Variants in MAP4 observed in about 807,000 individuals in gnomAD.
The protein encoded by MAP4 is microtubule-associated protein 4.
In MAP4, 76 loss-of-function variants were observed where a neutral mutation model predicts 170.2. That is an observed-to-expected ratio of 0.45 (90% CI 0.37 to 0.54). The LOEUF is 0.54. Ranked by LOEUF, MAP4 falls within the 20% of genes least tolerant of loss-of-function variation. The probability of loss-of-function intolerance (pLI) is 0.00; values close to 1 mark genes in which losing one functional copy is unlikely to be tolerated. For missense variants in MAP4, 2,506 were observed against 2,748.0 expected (o/e 0.91, Z 1.97); for synonymous variants, 909 against 994.5 (o/e 0.91, Z 1.62).
rs766568891 is a variant in MAP4, at chr3:47,911,592, T to C, written c.2829A>G (p.Arg943=). 6.5e-7 allele frequency: 1 copy of C among 1,536,128 alleles called. No individual in the cohort carries two copies. The highest frequency in any genetic ancestry group is 1.2e-5 in the South Asian group (1 of 84,068). Residue 943 remains arginine, a synonymous_variant, in exon 9 of 21, where the codon AGA becomes AGG. Coordinates refer to ENST00000683076, the MANE Select transcript of MAP4 (RefSeq NM_001385682.1). This position sits in a 1 kb window ranked among gnomAD's most constrained non-coding sequence, Gnocchi z 4.0. ...AYNVETPLDI[R]LKEGCSPFLD... is the part of the protein sequence containing the mutation. ...AGAAAGGAGAGCAACCCTCTTTAAGTCTGATATCCAAAGGGGTTTCTACAT... is the reference window on the plus strand; with the variant it reads ...AGAAAGGAGAGCAACCCTCTTTAAGCCTGATATCCAAAGGGGTTTCTACAT...
chr3:48,059,800 G>A (rs1323952016), intron 1 of MAP4, among the ~76,000 whole-genome samples: 3 of 151,980 alleles, frequency 2.0e-5, no homozygotes, highest in Non-Finnish European at 4.4e-5. Context: ...GGGCAACATG[G>A]TGAAACCCCA....
intron 1 of MAP4, among the ~76,000 whole-genome samples, chr3:48,048,726 C>T (rs1431475380): frequency 6.6e-6 from 1 of 151,778 alleles, no homozygotes; most frequent in Non-Finnish European, 1.5e-5. Context: ...ACTATGTTGC[C>T]CAGGCTGGTC....
intron 17 of MAP4, among the ~76,000 whole-genome samples, chr3:47,865,939 G>A (rs937325508): frequency 6.6e-6 from 1 of 152,196 alleles, no homozygotes; most frequent in African/African-American, 2.4e-5. Flanking sequence ...ACCTCCCTGT[G>A]AGCTGGGATC....
In MAP4 at chr3:47,916,739, T is replaced by C; in HGVS notation, c.1088A>G (p.Asp363Gly). The C allele has an allele frequency of 1.2e-6, 2 of 1,614,074 alleles. No individual in the cohort carries two copies. ...ETERASPIKM[D>G]LAPSKDMGPP... is the part of the protein sequence containing the mutation. ...TCCCATGTCCTTGGAAGGGGCTAAG[T>C]CCATTTTTATAGGAGATGCCCTCTC... Residue 363 changes from aspartate (D) to glycine (G), a missense_variant, in exon 7 of 21, where the codon GAC becomes GGC. Transcript: ENST00000683076.
At chr3:48,081,315 A>C (rs929741614) in intron 1 of MAP4, among the ~76,000 whole-genome samples, 7 of 151,754 alleles carry the variant, frequency 4.6e-5, no homozygotes, top group African/African-American at 1.4e-4. Context: ...AAAATAAATA[A>C]ATAAATAAAT....
intron 3 of MAP4, among the ~76,000 whole-genome samples, chr3:47,936,571 C>CT (rs1373341074): frequency 6.6e-6 from 1 of 151,748 alleles, no homozygotes; most frequent in African/African-American, 2.4e-5. Flanking sequence ...ATGCCTAGTT[C>CT]TTATAATGGC....
intron 1 of MAP4, among the ~76,000 whole-genome samples, chr3:48,083,291 A>G (rs1367310583): frequency 6.6e-6 from 1 of 152,162 alleles, no homozygotes. Flanking sequence ...TACCTTTACA[A>G]CTCTTCTGTA....
intron 1 of MAP4, among the ~76,000 whole-genome samples, chr3:48,005,458 C>T (rs936814927): frequency 6.6e-6 from 1 of 152,114 alleles, no homozygotes; most frequent in African/African-American, 2.4e-5. Flanking sequence ...GTGGAAGGAA[C>T]ATAGAGTTGG....
At position 48,054,499 on chromosome 3, in the gene MAP4, G is replaced by A. The variant is rs897618365; in HGVS notation, c.-20+34274C>T. Among the ~76,000 whole-genome samples the A allele has an allele frequency of 8.7e-5, 13 of 150,174 alleles. No individual in the cohort carries two copies. In the South Asian group the frequency reaches 2.8e-3, roughly 32 times the overall value. ...TAGCTAGGATTACAGGTGTGGTGGC[G>A]GGCGCCTGTAATCCTAGCTACTCAG... is the stretch of plus-strand genomic sequence containing the variant. On this transcript the variant is annotated intron_variant, in intron 1 of 18. Transcript: ENST00000360240.
intron 10 of MAP4, chr3:47,892,451 G>A (rs557531011): frequency 5.9e-6 from 9 of 1,535,304 alleles, no homozygotes; most frequent in South Asian, 4.8e-5. Context: ...CTGACCGTAC[G>A]CGGCAGTGAG....
At chr3:47,936,768 G>A (rs1036149505) in intron 3 of MAP4, among the ~76,000 whole-genome samples, 11 of 151,900 alleles carry the variant, frequency 7.2e-5, no homozygotes, top group Admixed American at 7.2e-4. Flanking sequence ...ATCACCTGAG[G>A]TCAAGAGTTC....
At chr3:48,017,484 C>CT (rs555856378), upstream of MAP4, among the ~76,000 whole-genome samples, 2,038 of 138,462 alleles carry the variant, frequency 0.015, 20 homozygotes, top group African/African-American at 0.033. Flanking sequence ...TTTCTTTTTT[C>CT]TTTTTTTTTT....
intron 10 of MAP4, among the ~76,000 whole-genome samples, chr3:47,890,712 A>T (rs145676496): frequency 2.8e-4 from 42 of 152,280 alleles, no homozygotes; most frequent in African/African-American, 9.9e-4. Flanking sequence ...GGACAGGGTG[A>T]CATGAGGTCA....
intron 9 of MAP4, among the ~76,000 whole-genome samples, chr3:47,908,001 T>C (rs1214384605): frequency 6.6e-6 from 1 of 152,148 alleles, no homozygotes; most frequent in East Asian, 1.9e-4. Flanking sequence ...CACAATCCCA[T>C]GATGAAACCT....
intron 1 of MAP4, among the ~76,000 whole-genome samples, chr3:48,080,773 G>T (rs949498960): frequency 2.6e-5 from 4 of 152,168 alleles, no homozygotes; most frequent in Non-Finnish European, 5.9e-5. Flanking sequence ...GAGGTCAGGA[G>T]ATCGAGACCA....
intron 2 of MAP4, among the ~76,000 whole-genome samples, chr3:47,986,330 GT>G (rs1208878979): frequency 6.6e-6 from 1 of 151,618 alleles, no homozygotes; most frequent in African/African-American, 2.4e-5. Context: ...TTTGTTTTTT[GT>G]TTTTTGGGGG....
At chr3:48,015,262 T>C (rs1269944432) in intron 1 of MAP4, among the ~76,000 whole-genome samples, 1 of 130,338 alleles carries the variant, frequency 7.7e-6, no homozygotes, top group Non-Finnish European at 1.5e-5. Flanking sequence ...CTATAACTGA[T>C]AGCCTGTCCT....
At chr3:47,915,060 G>A (rs1049811990) in intron 7 of MAP4, 121 bp from the exon 8 acceptor site, 2 of 1,156,002 alleles carry the variant, frequency 1.7e-6, no homozygotes, top group Non-Finnish European at 2.5e-6. Flanking sequence ...GGGCAGCAAA[G>A]GAGTGAAGTG....
intron 1 of MAP4, among the ~76,000 whole-genome samples, chr3:48,086,894 T>C (rs1316755668): frequency 6.6e-6 from 1 of 152,208 alleles, no homozygotes; most frequent in Non-Finnish European, 1.5e-5. Flanking sequence ...AGCACTTGAA[T>C]CATCCCAATG....
Sources: gnomAD v4.1 joint callset for allele counts (sites outside exome capture counted in the v4.1 genomes callset) on GRCh38, gnomAD v4.1.1 for gene constraint, Gnocchi (gnomAD v3.1) non-coding constraint, MANE v1.5 for transcripts, NCBI Gene and HGNC (gene_info 2026-07-23, HGNC 2026-07-21) for gene names.